Variants in CYFIP1 observed in about 807,000 individuals in gnomAD.
CYFIP1 encodes the protein cytoplasmic FMR1-interacting protein 1.
Under a neutral mutation model 163.5 loss-of-function variants are expected in CYFIP1, and 58 were observed. The observed-to-expected ratio is 0.35, with a 90% CI of 0.29 to 0.44. The LOEUF is 0.44. Among genes scored for constraint, CYFIP1 ranks in the 20% least tolerant of loss-of-function variants. CYFIP1 has a pLI of 1.00. For synonymous variants in CYFIP1, 663 were observed against 660.7 expected, an observed-to-expected ratio of 1.00 and a Z score of -0.05; for missense variants, 1,338 against 1,653.8, an observed-to-expected ratio of 0.81 and a Z score of 3.31.
Position 22,926,070 on chromosome 15 carries a change from G to C in CYFIP1, c.1271C>G (p.Ser424Cys). 6.2e-7 allele frequency: 1 copy of C among 1,614,186 alleles called. No individual in the cohort carries two copies. Among genetic ancestry groups the C allele is most frequent in the Non-Finnish European group, 8.5e-7 (1 of 1,180,024 alleles). The change falls in exon 13 of 31, where the codon TCC becomes TGC. Residue 424 changes from serine (S) to cysteine (C), a missense_variant. Ser to Cys is a moderately radical substitution (Grantham distance 112). Transcript: ENST00000617928. The part of the protein sequence containing the change: ...WKLVHPTDKY[S>C]NKDCPDSAEE... ...AGCGCTGTCGGGGCAGTCCTTGTTG[G>C]AGTACTTGTCGGTGGGGTGCACAAG...
intron 22 of CYFIP1, among the ~76,000 whole-genome samples, chr15:22,896,969 G>C (rs2060256603): frequency 6.6e-6 from 1 of 152,156 alleles, no homozygotes. Context: ...CACTTTGGGA[G>C]GCCGAGGCAG....
chr15:22,908,268 G>A (rs1024143494), intron 21 of CYFIP1, among the ~76,000 whole-genome samples: 5 of 152,074 alleles, frequency 3.3e-5, no homozygotes, highest in Non-Finnish European at 7.4e-5. Flanking sequence ...AAGACCCTCT[G>A]AAGGAAGCGG....
Position 22,917,689 on chromosome 15 carries a change from G to C in CYFIP1, c.1674+99C>G, listed in dbSNP as rs1157311549. On this transcript the variant is annotated intron_variant, in intron 15 of 30. Transcript: ENST00000617928. This position sits in a 1 kb window ranked among gnomAD's most constrained non-coding sequence, Gnocchi z 4.2. ...CTTTCTCTGCCTGAGCAGGCAGCGA[G>C]GACCTCATTTAACCCGGGCCTCACC... The C allele has an allele frequency of 2.6e-5, 36 of 1,373,352 alleles. No homozygotes were observed. Among genetic ancestry groups the C allele is most frequent in the Admixed American group, 8.5e-5 (3 of 35,410 alleles). 85.1% of individuals were successfully genotyped at this position (1,373,352 alleles called of 1,614,324 possible). A position where few individuals can be genotyped will look rare whatever the true frequency, so the allele number is the denominator to read the frequency against.
rs960555959 is a variant in CYFIP1 at position 22,873,373 on chromosome 15, G to C, written c.3449+118C>G. On this transcript the variant is annotated intron_variant, in intron 29 of 30. Coordinates refer to ENST00000617928, the MANE Select transcript of CYFIP1 (RefSeq NM_014608.6). ...CTACAGGAGGCTTAAAAGCCGCTCA[G>C]TGAGTTTCTGGTCCACTTCCTGAGC... 1.3e-5 allele frequency: 11 copies of C among 833,862 alleles called. 2 individuals are homozygous for C. In the South Asian group the frequency reaches 1.9e-4, roughly 14 times the overall value. 51.7% of individuals were successfully genotyped at this position (833,862 alleles called of 1,614,324 possible). A position where few individuals can be genotyped will look rare whatever the true frequency, so the allele number is the denominator to read the frequency against.
At chr15:22,943,481 C>G in intron 5 of CYFIP1, 127 bp from the exon 6 acceptor site, 1 of 1,057,346 alleles carries the variant, frequency 9.5e-7, no homozygotes, top group Non-Finnish European at 1.3e-6. Context: ...GGCTCCAGGC[C>G]GAAGTGTTTA....
chr15:22,974,453 G>T (rs2063200652), intron 1 of CYFIP1, among the ~76,000 whole-genome samples: 1 of 152,142 alleles, frequency 6.6e-6, no homozygotes, highest in Non-Finnish European at 1.5e-5. Context: ...AAACAGGCCG[G>T]ACACGATGGC....
chr15:22,899,008 A>AG (rs2060315683), intron 22 of CYFIP1, among the ~76,000 whole-genome samples: 1 of 151,948 alleles, frequency 6.6e-6, no homozygotes, highest in Non-Finnish European at 1.5e-5. Context: ...TCTAAAAAAA[A>AG]AAAAAAATTT....
At chr15:22,980,007 C>A (rs1048862240) in intron 1 of CYFIP1, among the ~76,000 whole-genome samples, 5 of 151,912 alleles carry the variant, frequency 3.3e-5, no homozygotes, top group African/African-American at 9.7e-5. Flanking sequence ...GAGCTCGGGG[C>A]CGAGGCCGAA....
At chr15:22,922,354 T>C (rs530872569) in intron 13 of CYFIP1, among the ~76,000 whole-genome samples, 1 of 152,342 alleles carries the variant, frequency 6.6e-6, no homozygotes, top group South Asian at 2.1e-4. Flanking sequence ...GGAGCTGCCC[T>C]GGTGAGCCAC....
Position 22,883,045 on chromosome 15 carries a change from C to A in CYFIP1, c.2677-34G>T. On this transcript the variant is annotated intron_variant, in intron 23 of 30. Transcript: ENST00000617928. ...CAGGGCACAGAGCTCTCAGCATGGTCCCCGCACACATGTGCAGATGAAGAA... is the reference window on the plus strand; with the variant it reads ...CAGGGCACAGAGCTCTCAGCATGGTACCCGCACACATGTGCAGATGAAGAA... 5 of 1,607,324 alleles carry A rather than the reference C, an allele frequency of 3.1e-6. No homozygotes were observed. In the South Asian group the frequency reaches 5.5e-5, roughly 18 times the overall value.
At chr15:22,942,501 C>T (rs1396121175) in intron 6 of CYFIP1, among the ~76,000 whole-genome samples, 3 of 152,106 alleles carry the variant, frequency 2.0e-5, no homozygotes, top group African/African-American at 4.8e-5. Context: ...GGCAGCGCGC[C>T]GAGTGTCACC....
intron 26 of CYFIP1, among the ~76,000 whole-genome samples, chr15:22,878,513 A>C (rs1171738280): frequency 6.6e-6 from 1 of 152,108 alleles, no homozygotes; most frequent in African/African-American, 2.4e-5. Context: ...TCTGCCTCTC[A>C]CATTATACAC....
intron 23 of CYFIP1, among the ~76,000 whole-genome samples, chr15:22,889,461 G>A (rs774954918): frequency 6.6e-6 from 1 of 152,174 alleles, no homozygotes; most frequent in Non-Finnish European, 1.5e-5. Context: ...GAATAAAAAC[G>A]TGTGTCAAGA....
In CYFIP1 at chr15:22,912,189, A is replaced by G. The variant is rs756442335; in HGVS notation, c.2072T>C (p.Ile691Thr). Residue 691 changes from isoleucine (I) to threonine (T), a missense_variant, in exon 18 of 31, where the codon ATT becomes ACT. Transcript: ENST00000617928. The stretch of plus-strand genomic sequence containing the variant: ...CTGCAGGGGCCTCACCTCGGCCTCA[A>G]TTTCGTCGTACAGGAACTGCTTGTT... ...RFNKQFLYDE[I>T]EAEVNLCFDQ... 1.2e-6 allele frequency: 2 copies of G among 1,613,942 alleles called. No homozygotes were observed. Among genetic ancestry groups the G allele is most frequent in the Non-Finnish European group, 1.7e-6 (2 of 1,179,874 alleles).
chr15:22,939,052 C>G, intron 8 of CYFIP1, 140 bp downstream of exon 8: 2 of 1,010,438 alleles, frequency 2.0e-6, no homozygotes, highest in Non-Finnish European at 2.9e-6. Flanking sequence ...AGGCTGTGTG[C>G]AAGGGCAGGA....
intron 1 of CYFIP1, among the ~76,000 whole-genome samples, chr15:22,979,244 C>T (rs2063383212): frequency 1.3e-5 from 2 of 152,192 alleles, no homozygotes; most frequent in Non-Finnish European, 2.9e-5. Context: ...TGGAAAACCG[C>T]TGGCCACCCG....
intron 1 of CYFIP1, among the ~76,000 whole-genome samples, chr15:22,958,590 C>G (rs35146866): frequency 6.6e-6 from 1 of 152,096 alleles, no homozygotes; most frequent in Admixed American, 6.5e-5. Flanking sequence ...GGCTGCAGCC[C>G]CTTCGGCCAG....
chr15:22,887,743 G>A (rs1324570627), intron 23 of CYFIP1, among the ~76,000 whole-genome samples: 1 of 152,158 alleles, frequency 6.6e-6, no homozygotes, highest in Non-Finnish European at 1.5e-5. Flanking sequence ...GGAGTGGGAG[G>A]AGGCACTACT....
At chr15:22,903,521 G>A (rs1011492183) in intron 22 of CYFIP1, among the ~76,000 whole-genome samples, 185 bp downstream of exon 22, 6 of 152,174 alleles carry the variant, frequency 3.9e-5, no homozygotes, top group South Asian at 2.1e-4. Context: ...CCATCCACCC[G>A]AGGGTAGACC....
Sources: gnomAD v4.1 joint callset for allele counts (sites outside exome capture counted in the v4.1 genomes callset) on GRCh38, gnomAD v4.1.1 for gene constraint, Gnocchi (gnomAD v3.1) non-coding constraint, MANE v1.5 for transcripts, NCBI Gene and HGNC (gene_info 2026-07-23, HGNC 2026-07-21) for gene names.